Variants in ABCB1 observed in about 807,000 individuals in gnomAD.
ABCB1 encodes the protein ATP-dependent translocase ABCB1.
A neutral mutation model predicts 142.0 loss-of-function variants in ABCB1; 69 were observed. That is an observed-to-expected ratio of 0.49 (90% CI 0.40 to 0.59). The LOEUF is 0.59. Among genes scored for constraint, ABCB1 ranks in the 20% least tolerant of loss-of-function variants. The probability of loss-of-function intolerance (pLI) is 0.00; values close to 1 mark genes in which losing one functional copy is unlikely to be tolerated. For missense variants in ABCB1, 1,326 were observed against 1,554.7 expected (o/e 0.85, Z 2.47); for synonymous variants, 532 against 539.2 (o/e 0.99, Z 0.18).
intron 1 of ABCB1, among the ~76,000 whole-genome samples, chr7:87,666,114 T>A (rs1825215132): frequency 6.6e-6 from 1 of 152,108 alleles, no homozygotes; most frequent in African/African-American, 2.4e-5. Context: ...CAGCAGTGTA[T>A]AAGCATCCCC....
intron 1 of ABCB1, among the ~76,000 whole-genome samples, chr7:87,657,841 G>A (rs1824266391): frequency 6.6e-6 from 1 of 152,146 alleles, no homozygotes; most frequent in Non-Finnish European, 1.5e-5. Flanking sequence ...GTCAGTGGAA[G>A]CCAATTGGGA....
At chr7:87,697,339 T>A (rs1334760420) in intron 1 of ABCB1, among the ~76,000 whole-genome samples, 1 of 152,210 alleles carries the variant, frequency 6.6e-6, no homozygotes, top group African/African-American at 2.4e-5. Context: ...TGATACTCTT[T>A]CCTTAAGATT....
At chr7:87,637,377 T>C (rs548849641) in intron 1 of ABCB1, among the ~76,000 whole-genome samples, 150 of 152,330 alleles carry the variant, frequency 9.8e-4, no homozygotes, top group African/African-American at 3.5e-3. Flanking sequence ...AGCTTTATTT[T>C]TCAAGATTAT....
At chr7:87,520,962 T>C in intron 21 of ABCB1, 86 bp from the exon 22 acceptor site, 1 of 974,898 alleles carries the variant, frequency 1.0e-6, no homozygotes, top group Non-Finnish European at 1.6e-6. Flanking sequence ...CTAATGAAAA[T>C]AATTTTATGA....
intron 1 of ABCB1, among the ~76,000 whole-genome samples, chr7:87,628,159 G>A (rs1820790125): frequency 6.6e-6 from 1 of 152,162 alleles, no homozygotes; most frequent in African/African-American, 2.4e-5. Flanking sequence ...GTGGGGCCCC[G>A]CATCCCACAA....
Position 87,534,005 on chromosome 7 carries a change from C to A in ABCB1, c.2481+2453G>T, listed in dbSNP as rs563052390. ...AACAAGTGAAAAGCAGAAGGTTGAC[C>A]CCAGCAGGCAATTAGAGACAGTGAA... On this transcript the variant is annotated intron_variant, in intron 20 of 27. Transcript: ENST00000622132. Among the ~76,000 whole-genome samples, 10 of 152,058 alleles carry A rather than the reference C, an allele frequency of 6.6e-5. No individual in the cohort carries two copies. The South Asian group carries it at 2.1e-3, about 32-fold the overall frequency.
At chr7:87,534,946 T>A (rs1464373802) in intron 20 of ABCB1, among the ~76,000 whole-genome samples, 2 of 64,386 alleles carry the variant, frequency 3.1e-5, no homozygotes, top group Non-Finnish European at 7.9e-5. Context: ...AAAAACTCCA[T>A]TTTTTTTTCC....
Position 87,640,236 on chromosome 7 carries a change from A to G in ABCB1, c.-330-39158T>C, listed in dbSNP as rs1361398860. On this transcript the variant is annotated intron_variant, in intron 1 of 28. Coordinates refer to the ABCB1 transcript ENST00000265724. ...AAATCTTACATTATTTTATTACCAT[A>G]TTTTTTTACAGTAGGTATTTAGGAA... Among the ~76,000 whole-genome samples, 5 of 150,476 alleles carry G rather than the reference A, an allele frequency of 3.3e-5. No individual in the cohort carries two copies. In the South Asian group the frequency reaches 8.3e-4, roughly 25 times the overall value.
At chr7:87,679,410 A>T (rs962925103) in intron 1 of ABCB1, among the ~76,000 whole-genome samples, 3 of 149,154 alleles carry the variant, frequency 2.0e-5, no homozygotes. Flanking sequence ...TTTTTTTAAG[A>T]CAGGATCTCA....
rs1428357916 is a variant in ABCB1 at position 87,535,711 on chromosome 7, A to G, written c.2481+747T>C. On this transcript the variant is annotated intron_variant, in intron 20 of 27. Transcript: ENST00000622132. ...CTTAATTTATTCTTAAAGAAGCCCC[A>G]TATATTAGATAGAAGAAATGTTAGT... 2.0e-5 allele frequency among the ~76,000 whole-genome samples: 3 copies of G among 152,174 alleles called. No individual in the cohort carries two copies. In the East Asian group the frequency reaches 5.8e-4, roughly 29 times the overall value.
intron 25 of ABCB1, among the ~76,000 whole-genome samples, chr7:87,514,563 C>T (rs1172703210): frequency 6.6e-6 from 1 of 152,196 alleles, no homozygotes; most frequent in East Asian, 1.9e-4. Flanking sequence ...GTCTCATCCC[C>T]AGTCATAAAA....
At chr7:87,538,129 C>T (rs1377899889) in intron 19 of ABCB1, among the ~76,000 whole-genome samples, 1 of 152,176 alleles carries the variant, frequency 6.6e-6, no homozygotes, top group Admixed American at 6.5e-5. Flanking sequence ...CCCTACTTAA[C>T]AATTTATGGA....
At chr7:87,568,150 C>G (rs1243948556) in intron 5 of ABCB1, among the ~76,000 whole-genome samples, 1 of 148,940 alleles carries the variant, frequency 6.7e-6, no homozygotes, top group Non-Finnish European at 1.5e-5. Flanking sequence ...AATCCCAGCA[C>G]TTCGGGAGGC....
At chr7:87,605,348 G>A (rs562192728), upstream of ABCB1, among the ~76,000 whole-genome samples, 191 of 152,226 alleles carry the variant, frequency 1.3e-3, no homozygotes, top group African/African-American at 4.5e-3. Context: ...TGACTAGGCT[G>A]ATCTTGAACT....
chr7:87,629,057 C>T, intron 1 of ABCB1: 3 of 1,060,928 alleles, frequency 2.8e-6, no homozygotes, highest in Non-Finnish European at 2.4e-6. Context: ...CCAGTGCCCC[C>T]GCCTATGTTG....
intron 21 of ABCB1, chr7:87,521,775 G>A (rs544191533): frequency 1.7e-5 from 14 of 808,332 alleles, no homozygotes; most frequent in East Asian, 4.8e-5. Flanking sequence ...ACCCAACTGT[G>A]AAAAAGATAT....
rs760344941 is a variant in ABCB1, at chr7:87,515,365, T to G, written c.3148A>C (p.Ile1050Leu). 7 of 1,614,100 alleles carry G rather than the reference T, an allele frequency of 4.3e-6. No individual in the cohort carries two copies. The highest frequency in any genetic ancestry group is 1.3e-5 in the African/African-American group (1 of 74,946). ...AGGCTCAGTCCCTGAAGCACTGGGATGTCCGGTCGGGTGGGATAGTTGAAT... is the reference window on the plus strand; with the variant it reads ...AGGCTCAGTCCCTGAAGCACTGGGAGGTCCGGTCGGGTGGGATAGTTGAAT... ...VVFNYPTRPD[I>L]PVLQGLSLEV... The change falls in exon 25 of 28, where the codon ATC (isoleucine) becomes CTC (leucine). Residue 1050 changes from isoleucine to leucine, a missense_variant. Physicochemically the swap from Ile to Leu is conservative, Grantham distance 5. Transcript: ENST00000622132.
At chr7:87,534,521 A>G (rs1273166630) in intron 20 of ABCB1, among the ~76,000 whole-genome samples, 2 of 152,136 alleles carry the variant, frequency 1.3e-5, no homozygotes, top group East Asian at 1.9e-4. Flanking sequence ...ACATCTACAT[A>G]TGGATGTCTA....
At chr7:87,691,120 C>A (rs1827978479) in intron 1 of ABCB1, among the ~76,000 whole-genome samples, 1 of 151,992 alleles carries the variant, frequency 6.6e-6, no homozygotes, top group African/African-American at 2.4e-5. Context: ...ATATCATATT[C>A]ATGAATTAGA....
Sources: allele counts gnomAD v4.1 joint callset (sites outside exome capture counted in the v4.1 genomes callset), GRCh38; gene constraint gnomAD v4.1.1; transcripts MANE v1.5; gene names NCBI Gene and HGNC (gene_info 2026-07-23, HGNC 2026-07-21).